Variants in GPC6 observed in about 807,000 individuals in gnomAD.
The protein encoded by GPC6 is glypican-6.
Under a neutral mutation model 55.2 loss-of-function variants are expected in GPC6, and 14 were observed. The ratio of observed to expected loss-of-function variants is 0.25; its 90% CI spans 0.17 to 0.40. The LOEUF is 0.40. Among genes scored for constraint, GPC6 ranks in the 10% least tolerant of loss-of-function variants. The probability of loss-of-function intolerance (pLI) is 1.00; values close to 1 mark genes in which losing one functional copy is unlikely to be tolerated. For missense variants in GPC6, 641 were observed against 708.5 expected (o/e 0.90, Z 1.08); for synonymous variants, 278 against 259.6 (o/e 1.07, Z -0.68).
At chr13:94,217,041 A>G (rs777137792) in intron 4 of GPC6, among the ~76,000 whole-genome samples, 10 of 152,202 alleles carry the variant, frequency 6.6e-5, no homozygotes, top group Non-Finnish European at 1.5e-5. Flanking sequence ...CCCTGTGCAC[A>G]TTATAGACAC....
chr13:94,313,079 G>T (rs976714223), intron 6 of GPC6, among the ~76,000 whole-genome samples: 2 of 152,002 alleles, frequency 1.3e-5, no homozygotes, highest in Non-Finnish European at 2.9e-5. Flanking sequence ...AAAGCAGGGA[G>T]AAAATAAAAA....
intron 1 of GPC6, among the ~76,000 whole-genome samples, chr13:93,460,506 A>G (rs533592664): frequency 2.9e-4 from 44 of 152,352 alleles, no homozygotes; most frequent in African/African-American, 7.2e-4. Flanking sequence ...TTTAATGATG[A>G]TGACGATTAT....
chr13:93,779,531 T>G (rs942690293), intron 2 of GPC6, among the ~76,000 whole-genome samples: 1 of 152,152 alleles, frequency 6.6e-6, no homozygotes, highest in Non-Finnish European at 1.5e-5. Context: ...AACTAGTTGC[T>G]GGGTGGCGTG....
intron 1 of GPC6, among the ~76,000 whole-genome samples, chr13:93,249,054 A>G (rs1876698661): frequency 6.6e-6 from 1 of 152,156 alleles, no homozygotes; most frequent in Non-Finnish European, 1.5e-5. Flanking sequence ...CCAACACCAT[A>G]TCCTAGGACC....
chr13:93,718,689 G>A (rs1321938645), intron 2 of GPC6, among the ~76,000 whole-genome samples: 2 of 152,092 alleles, frequency 1.3e-5, no homozygotes, highest in Non-Finnish European at 2.9e-5. Context: ...CTATTCATAT[G>A]TCCTTAATGG....
At chr13:93,348,631 C>G (rs1484680106) in intron 1 of GPC6, among the ~76,000 whole-genome samples, 1 of 152,124 alleles carries the variant, frequency 6.6e-6, no homozygotes, top group Non-Finnish European at 1.5e-5. Flanking sequence ...AAACAAAAAG[C>G]AAACCTGCTC....
chr13:93,731,631 G>T (rs1234700704), intron 2 of GPC6, among the ~76,000 whole-genome samples: 4 of 152,120 alleles, frequency 2.6e-5, no homozygotes, highest in Non-Finnish European at 5.9e-5. Flanking sequence ...TGTATGTGCT[G>T]TATATTTTAA....
intron 4 of GPC6, among the ~76,000 whole-genome samples, chr13:94,164,136 G>A (rs990676357): frequency 6.6e-6 from 1 of 152,128 alleles, no homozygotes; most frequent in Non-Finnish European, 1.5e-5. Flanking sequence ...ATACCAACAT[G>A]TGAACTTGAA....
intron 4 of GPC6, among the ~76,000 whole-genome samples, chr13:94,172,438 A>G (rs978398736): frequency 6.6e-6 from 1 of 152,354 alleles, no homozygotes. Context: ...AAGATAATGA[A>G]AAAATGATAA....
chr13:94,240,245 A>G (rs1254167877), intron 4 of GPC6, among the ~76,000 whole-genome samples: 1 of 152,134 alleles, frequency 6.6e-6, no homozygotes, highest in African/African-American at 2.4e-5. Context: ...CAGCACAGCC[A>G]TAGGCAACCG....
At chr13:93,819,207 G>A (rs776878179) in intron 2 of GPC6, among the ~76,000 whole-genome samples, 1 of 152,126 alleles carries the variant, frequency 6.6e-6, no homozygotes, top group Non-Finnish European at 1.5e-5. Flanking sequence ...TGTTCCAATA[G>A]CCCCAGGTCC....
intron 2 of GPC6, among the ~76,000 whole-genome samples, chr13:93,754,754 T>C (rs186163056): frequency 6.6e-6 from 1 of 151,690 alleles, no homozygotes. Flanking sequence ...AACAGAAACA[T>C]AATTAATTGC....
At chr13:93,739,981 G>A (rs1407637084) in intron 2 of GPC6, among the ~76,000 whole-genome samples, 1 of 152,140 alleles carries the variant, frequency 6.6e-6, no homozygotes, top group Non-Finnish European at 1.5e-5. Flanking sequence ...GTATGGGGCA[G>A]TCAGAGAAGG....
chr13:94,138,801 C>A (rs1054237636), intron 4 of GPC6, among the ~76,000 whole-genome samples: 10 of 152,126 alleles, frequency 6.6e-5, no homozygotes, highest in Non-Finnish European at 1.3e-4. Flanking sequence ...ACAAGGATGG[C>A]AGAAGCTCTC....
At chr13:94,366,807 C>G (rs540989550) in intron 6 of GPC6, among the ~76,000 whole-genome samples, 1 of 152,282 alleles carries the variant, frequency 6.6e-6, no homozygotes, top group Admixed American at 6.5e-5. Context: ...GCAGATGGGA[C>G]AGACCTTTGG....
intron 2 of GPC6, among the ~76,000 whole-genome samples, chr13:93,797,086 T>C (rs1033615533): frequency 2.0e-5 from 3 of 152,236 alleles, no homozygotes; most frequent in Non-Finnish European, 4.4e-5. Context: ...AAAGAGAACA[T>C]TTATTTCTGT....
At chr13:93,686,535 C>G (rs961246453) in intron 2 of GPC6, among the ~76,000 whole-genome samples, 12 of 152,054 alleles carry the variant, frequency 7.9e-5, no homozygotes, top group Non-Finnish European at 1.5e-4. Flanking sequence ...TGGTTATTGG[C>G]ATATAATCTT....
intron 3 of GPC6, among the ~76,000 whole-genome samples, chr13:93,867,736 C>T (rs563657124): frequency 5.3e-5 from 8 of 151,730 alleles, no homozygotes; most frequent in Non-Finnish European, 1.2e-4. Flanking sequence ...TCCTTTTCAT[C>T]TCTCTATTCC....
intron 1 of GPC6, among the ~76,000 whole-genome samples, chr13:93,230,786 T>C (rs1019260314): frequency 1.1e-4 from 16 of 152,058 alleles, no homozygotes; most frequent in Admixed American, 4.6e-4. Context: ...TGTTGGTGGC[T>C]CTAAACTTCT....
Sources: allele counts gnomAD v4.1 joint callset (sites outside exome capture counted in the v4.1 genomes callset), GRCh38; gene constraint gnomAD v4.1.1; transcripts MANE v1.5; gene names NCBI Gene and HGNC (gene_info 2026-07-23, HGNC 2026-07-21).